Variants in DAAM1 observed in about 807,000 individuals in gnomAD.
The protein encoded by DAAM1 is dishevelled associated activator of morphogenesis 1, also known as disheveled-associated activator of morphogenesis 1.
A neutral mutation model predicts 130.0 loss-of-function variants in DAAM1; 52 were observed. That is an observed-to-expected ratio of 0.40 (90% confidence interval 0.32 to 0.50). The LOEUF (loss-of-function observed/expected upper bound fraction) is 0.50. Ranked by LOEUF, DAAM1 falls within the 20% of genes least tolerant of loss-of-function variation. The probability of loss-of-function intolerance (pLI) is 0.61; values close to 1 mark genes in which losing one functional copy is unlikely to be tolerated. For synonymous variants in DAAM1, 452 were observed against 444.5 expected (o/e 1.02, Z -0.21); for missense variants, 1,134 against 1,303.8 (o/e 0.87, Z 2.01).
At chr14:59,343,819 G>T (rs777595310) in intron 16 of DAAM1, among the ~76,000 whole-genome samples, 20 of 152,108 alleles carry the variant, frequency 1.3e-4, no homozygotes, top group Non-Finnish European at 2.8e-4. Flanking sequence ...CAAATCATTC[G>T]AAGCTCTCAG....
intron 24 of DAAM1, among the ~76,000 whole-genome samples, chr14:59,367,967 G>T (rs954559273): frequency 7.2e-5 from 11 of 151,950 alleles, no homozygotes; most frequent in African/African-American, 2.7e-4. Flanking sequence ...GCCATATAAT[G>T]GAATATTTAT....
At chr14:59,247,718 T>TAA (rs74787727) in intron 1 of DAAM1, among the ~76,000 whole-genome samples, 1 of 145,666 alleles carries the variant, frequency 6.9e-6, no homozygotes, top group Non-Finnish European at 1.5e-5. Flanking sequence ...AAGCTCATGT[T>TAA]AAAAAAAAAA....
chr14:59,211,198 T>A (rs1888415745), intron 1 of DAAM1, among the ~76,000 whole-genome samples: 1 of 152,186 alleles, frequency 6.6e-6, no homozygotes, highest in Non-Finnish European at 1.5e-5. Context: ...TTTAAAATTT[T>A]AGATGATTGT....
chr14:59,300,078 G>GGCA (rs1884110319), intron 3 of DAAM1: 1 of 152,138 alleles, frequency 6.6e-6, no homozygotes, highest in Admixed American at 6.5e-5. Flanking sequence ...GCCTAGAAAA[G>GGCA]GTAGGTGGTT....
chr14:59,216,938 T>C (rs1253790367), intron 1 of DAAM1, among the ~76,000 whole-genome samples: 1 of 152,008 alleles, frequency 6.6e-6, no homozygotes, highest in Non-Finnish European at 1.5e-5. Context: ...TTTACTTGTT[T>C]GTAGCCCAGC....
chr14:59,333,517 G>T (rs1234749036), intron 15 of DAAM1, among the ~76,000 whole-genome samples: 1 of 152,216 alleles, frequency 6.6e-6, no homozygotes, highest in African/African-American at 2.4e-5. Context: ...TCCTGAGAAG[G>T]TGTCTCCTTG....
intron 1 of DAAM1, among the ~76,000 whole-genome samples, chr14:59,189,220 T>G (rs1335461100): frequency 1.3e-5 from 2 of 151,606 alleles, no homozygotes; most frequent in African/African-American, 4.9e-5. Context: ...CGAGGCAGGC[T>G]TGGTGGACAC....
intron 1 of DAAM1, among the ~76,000 whole-genome samples, chr14:59,261,607 C>G (rs965941870): frequency 3.9e-5 from 6 of 152,158 alleles, no homozygotes; most frequent in African/African-American, 1.2e-4. Flanking sequence ...CCTCTCTTCC[C>G]GTCACAGAAC....
At chr14:59,276,050 A>G (rs1487996807) in intron 2 of DAAM1, among the ~76,000 whole-genome samples, 1 of 152,176 alleles carries the variant, frequency 6.6e-6, no homozygotes, top group Non-Finnish European at 1.5e-5. Context: ...AGCAGGTAAT[A>G]ATTCACTGAA....
At chr14:59,233,207 T>C (rs960792744) in intron 1 of DAAM1, among the ~76,000 whole-genome samples, 2 of 152,352 alleles carry the variant, frequency 1.3e-5, no homozygotes, top group African/African-American at 4.8e-5. Flanking sequence ...CCTTGAGGAA[T>C]CACCATGCTT....
At chr14:59,255,567 A>C in intron 1 of DAAM1, among the ~76,000 whole-genome samples, 1 of 152,204 alleles carries the variant, frequency 6.6e-6, no homozygotes, top group Non-Finnish European at 1.5e-5. Flanking sequence ...TTGCAATGCA[A>C]ATTACACATC....
At chr14:59,353,100 G>A (rs1566719850) in intron 18 of DAAM1, among the ~76,000 whole-genome samples, 1 of 152,106 alleles carries the variant, frequency 6.6e-6, no homozygotes, top group Non-Finnish European at 1.5e-5. Context: ...GACACATGCA[G>A]ACATCACTAA....
At chr14:59,311,884 A>G (rs1884610547) in intron 3 of DAAM1, among the ~76,000 whole-genome samples, 1 of 151,850 alleles carries the variant, frequency 6.6e-6, no homozygotes, top group Non-Finnish European at 1.5e-5. Context: ...TATTTTGGAG[A>G]GATGGGGTCT....
intron 3 of DAAM1, among the ~76,000 whole-genome samples, chr14:59,312,474 G>T (rs1443542725): frequency 1.3e-5 from 2 of 152,246 alleles, no homozygotes; most frequent in Non-Finnish European, 2.9e-5. Context: ...TTCAAATGCT[G>T]TTGGTGGTGA....
chr14:59,364,627 C>CT (rs1406242733), intron 23 of DAAM1, among the ~76,000 whole-genome samples: 1 of 151,144 alleles, frequency 6.6e-6, no homozygotes, highest in Non-Finnish European at 1.5e-5. Flanking sequence ...TGCCACAACA[C>CT]TCTGAGTCTT....
At chr14:59,259,841 G>A (rs1882085384) in intron 1 of DAAM1, among the ~76,000 whole-genome samples, 1 of 152,124 alleles carries the variant, frequency 6.6e-6, no homozygotes, top group East Asian at 1.9e-4. Flanking sequence ...TCAGGAGATC[G>A]AGACCATCTT....
rs1425454203 is a variant in DAAM1 at position 59,369,714 on chromosome 14, A to G, written c.*855A>G. The G allele has an allele frequency of 2.7e-5, 4 of 149,102 alleles. No homozygotes were observed. Among genetic ancestry groups the G allele is most frequent in the Non-Finnish European group, 1.5e-5 (1 of 67,500 alleles). The allele number at this position is 149,102 out of a possible 1,614,324, so 9.2% of individuals were successfully genotyped here. ...TAAAAATAATAAAATATCTCACCCAAGACTTAAAGGAAGAATTCTCTGAAG... is the reference window on the plus strand; with the variant it reads ...TAAAAATAATAAAATATCTCACCCAGGACTTAAAGGAAGAATTCTCTGAAG... On this transcript the variant is annotated 3_prime_UTR_variant, in exon 25 of 25. Coordinates refer to ENST00000360909, the MANE Select transcript of DAAM1 (RefSeq NM_001270520.2).
intron 2 of DAAM1, among the ~76,000 whole-genome samples, chr14:59,275,265 C>T (rs964089970): frequency 6.6e-6 from 1 of 152,094 alleles, no homozygotes; most frequent in Non-Finnish European, 1.5e-5. Flanking sequence ...TCAAGAACAA[C>T]AGGCAATGGG....
chr14:59,286,684 A>G (rs1883472007), intron 2 of DAAM1, among the ~76,000 whole-genome samples: 1 of 152,196 alleles, frequency 6.6e-6, no homozygotes, highest in African/African-American at 2.4e-5. Flanking sequence ...GGTGTTTAAG[A>G]AATGGATACA....
Sources: allele counts gnomAD v4.1 joint callset (sites outside exome capture counted in the v4.1 genomes callset), GRCh38; gene constraint gnomAD v4.1.1; transcripts MANE v1.5; gene names NCBI Gene and HGNC (gene_info 2026-07-23, HGNC 2026-07-21).